Variants in PCDHA13 observed in about 807,000 individuals in gnomAD.
PCDHA13 encodes the protein protocadherin alpha-13.
In PCDHA13, 54 loss-of-function variants were observed where a neutral mutation model predicts 64.8. That is an observed-to-expected ratio of 0.83 (90% confidence interval 0.67 to 1.04). The LOEUF (loss-of-function observed/expected upper bound fraction) is 1.04. Ranked by LOEUF, PCDHA13 falls within the 50% of genes least tolerant of loss-of-function variation. PCDHA13 has a pLI of 0.00. For synonymous variants in PCDHA13, 587 were observed against 564.4 expected (o/e 1.04, Z -0.57); for missense variants, 1,248 against 1,254.3 (o/e 0.99, Z 0.08).
chr5:140,937,805 G>T (rs1192616946), intron 1 of PCDHA13, among the ~76,000 whole-genome samples: 1 of 149,924 alleles, frequency 6.7e-6, no homozygotes, highest in Admixed American at 6.6e-5. Flanking sequence ...CCAGCTACTC[G>T]GGAAGCTGAG....
At chr5:141,006,996 G>T (rs1206587874) in intron 3 of PCDHA13, among the ~76,000 whole-genome samples, 2 of 152,136 alleles carry the variant, frequency 1.3e-5, no homozygotes, top group African/African-American at 4.8e-5. Flanking sequence ...TAAAATATAA[G>T]TCTGCATCTC....
chr5:140,993,460 TCTCACACACA>T (rs1210103837), intron 3 of PCDHA13, among the ~76,000 whole-genome samples: 11 of 104,506 alleles, frequency 1.1e-4, no homozygotes, highest in Admixed American at 1.2e-4. Flanking sequence ...CTTCTTTCTT[TCTCACACACA>T]CACACACACA....
At chr5:140,991,472 C>G (rs1480480128) in intron 3 of PCDHA13, among the ~76,000 whole-genome samples, 1 of 152,172 alleles carries the variant, frequency 6.6e-6, no homozygotes, top group African/African-American at 2.4e-5. Context: ...TCTTACAGTT[C>G]TGGAAGTCAG....
chr5:140,945,526 A>T (rs1466059696), intron 1 of PCDHA13, among the ~76,000 whole-genome samples: 2 of 152,130 alleles, frequency 1.3e-5, no homozygotes, highest in African/African-American at 4.8e-5. Context: ...AATAAATAAA[A>T]CAAAACATAC....
rs562721543 is a variant in PCDHA13, at chr5:140,968,426, A to G, written c.2395-10523A>G. ...CTTTGTGACTGTGGAGGCTCAGGAC[A>G]AGGGGAGCCCACCACTGAGCAGCAC... On this transcript the variant is annotated intron_variant, in intron 1 of 3. Transcript: ENST00000289272. 135 of 1,614,020 alleles carry G rather than the reference A, an allele frequency of 8.4e-5. 2 individuals carry two copies. In the South Asian group the frequency reaches 1.4e-3, roughly 16 times the overall value.
At chr5:140,957,043 A>C (rs2095328677) in intron 1 of PCDHA13, among the ~76,000 whole-genome samples, 3 of 152,196 alleles carry the variant, frequency 2.0e-5, no homozygotes, top group Admixed American at 2.0e-4. Flanking sequence ...GGAGTCATAT[A>C]AAATAAATTA....
At chr5:140,973,833 T>C (rs1332537198) in intron 1 of PCDHA13, among the ~76,000 whole-genome samples, 1 of 152,242 alleles carries the variant, frequency 6.6e-6, no homozygotes, top group Non-Finnish European at 1.5e-5. Context: ...TCTGGGTACT[T>C]GCTTGTTGCC....
At chr5:140,928,220 C>G in intron 1 of PCDHA13, 1 of 1,614,166 alleles carries the variant, frequency 6.2e-7, no homozygotes. Context: ...GACAATACAC[C>G]AAACTTTCCT....
intron 1 of PCDHA13, among the ~76,000 whole-genome samples, chr5:140,885,442 T>A (rs2060596310): frequency 6.6e-6 from 1 of 152,180 alleles, no homozygotes; most frequent in African/African-American, 2.4e-5. Flanking sequence ...TGTGCAATTA[T>A]ATATTATTTA....
At chr5:140,955,623 T>C (rs2095210763) in intron 1 of PCDHA13, among the ~76,000 whole-genome samples, 1 of 152,208 alleles carries the variant, frequency 6.6e-6, no homozygotes, top group Non-Finnish European at 1.5e-5. Context: ...GGCAGTTCTT[T>C]ATAGCAGTGT....
At chr5:140,968,624 C>CT in intron 1 of PCDHA13, 3 of 1,614,176 alleles carry the variant, frequency 1.9e-6, no homozygotes, top group East Asian at 2.2e-5. Context: ...AAATGCTTGG[C>CT]TTTTTTACCA....
rs1219444085 is a variant in PCDHA13 at position 141,010,861 on chromosome 5, A to G, written c.*924A>G. On this transcript the variant is annotated 3_prime_UTR_variant, in exon 4 of 4. Coordinates refer to ENST00000289272, the MANE Select transcript of PCDHA13 (RefSeq NM_018904.3). ...ATTTATTTAAAAAAAGAGAAAGTCTATAGCTATAAATCTTTAAAGAGAAAT... is the reference window on the plus strand; with the variant it reads ...ATTTATTTAAAAAAAGAGAAAGTCTGTAGCTATAAATCTTTAAAGAGAAAT... 9.1e-5 allele frequency: 14 copies of G among 153,794 alleles called. No individual in the cohort carries two copies. Among genetic ancestry groups the G allele is most frequent in the African/African-American group, 3.1e-4 (13 of 41,468 alleles). 9.5% of individuals were successfully genotyped at this position (153,794 alleles called of 1,614,324 possible).
At chr5:140,927,940 C>T (rs1247043975) in intron 1 of PCDHA13, 1 of 1,614,108 alleles carries the variant, frequency 6.2e-7, no homozygotes, top group African/African-American at 1.3e-5. Flanking sequence ...GAACCCAGTA[C>T]CTGAGGACGC....
intron 1 of PCDHA13, among the ~76,000 whole-genome samples, chr5:140,917,128 C>T (rs2077898518): frequency 6.6e-6 from 1 of 152,044 alleles, no homozygotes; most frequent in Non-Finnish European, 1.5e-5. Flanking sequence ...GCAGACTCCC[C>T]ACGTTGCTCA....
At chr5:140,947,627 A>C (rs1375142600) in intron 1 of PCDHA13, among the ~76,000 whole-genome samples, 1 of 151,696 alleles carries the variant, frequency 6.6e-6, no homozygotes, top group Non-Finnish European at 1.5e-5. Context: ...ATATTGAGTC[A>C]TCAGATCGTA....
chr5:140,948,889 AT>A (rs1263260325), intron 1 of PCDHA13, among the ~76,000 whole-genome samples: 2 of 151,468 alleles, frequency 1.3e-5, no homozygotes, highest in Non-Finnish European at 3.0e-5. Flanking sequence ...TCTCTTTTAG[AT>A]TTTAAGTGGA....
intron 1 of PCDHA13, among the ~76,000 whole-genome samples, chr5:140,905,614 A>T (rs1167406063): frequency 6.6e-6 from 1 of 152,094 alleles, no homozygotes; most frequent in Non-Finnish European, 1.5e-5. Flanking sequence ...GAATCTATAG[A>T]TTGCTTTTGA....
intron 3 of PCDHA13, among the ~76,000 whole-genome samples, chr5:141,000,542 C>T (rs1331109215): frequency 6.7e-6 from 1 of 148,268 alleles, no homozygotes; most frequent in Non-Finnish European, 1.5e-5. Context: ...ATTCTCATGC[C>T]TCAAACTCCC....
intron 3 of PCDHA13, among the ~76,000 whole-genome samples, chr5:140,999,478 T>C (rs2097859281): frequency 6.6e-6 from 1 of 152,172 alleles, no homozygotes; most frequent in Non-Finnish European, 1.5e-5. Flanking sequence ...AGATTCCAAC[T>C]CAAGTCTATG....
Sources: allele counts gnomAD v4.1 joint callset (sites outside exome capture counted in the v4.1 genomes callset), GRCh38; gene constraint gnomAD v4.1.1; transcripts MANE v1.5; gene names NCBI Gene and HGNC (gene_info 2026-07-23, HGNC 2026-07-21).